Variants in CDH12 observed in about 807,000 individuals in gnomAD.
CDH12 encodes the protein cadherin-12.
Under a neutral mutation model 74.1 loss-of-function variants are expected in CDH12, and 41 were observed. The ratio of observed to expected loss-of-function variants is 0.55; its 90% CI spans 0.43 to 0.72. The LOEUF (loss-of-function observed/expected upper bound fraction) is 0.72, where lower values mean the gene tolerates loss of function less well. Among genes scored for constraint, CDH12 ranks in the 30% least tolerant of loss-of-function variants. CDH12 has a pLI of 0.00. For missense variants in CDH12, 945 were observed against 977.2 expected (o/e 0.97, Z 0.44); for synonymous variants, 399 against 355.0 (o/e 1.12, Z -1.39).
chr5:22,040,944 T>C (rs1230055826), intron 5 of CDH12, among the ~76,000 whole-genome samples: 1 of 152,120 alleles, frequency 6.6e-6, no homozygotes, highest in Non-Finnish European at 1.5e-5. Flanking sequence ...CATATATACA[T>C]ATATACATAC....
At position 22,109,331 on chromosome 5, in the gene CDH12, C is replaced by G. The variant is rs140494442; in HGVS notation, c.-186-30469G>C. Among the ~76,000 whole-genome samples the G allele has an allele frequency of 5.9e-3, 902 of 152,296 alleles. 9 individuals are homozygous for G. The highest frequency in any genetic ancestry group is 0.021 in the African/African-American group (870 of 41,550). The stretch of plus-strand genomic sequence containing the variant: ...CCCTCCAGAGCAAAAGTCAAGCATG[C>G]CTACTGCCCATTATAAATGATTCAG... On this transcript the variant is annotated intron_variant, in intron 4 of 14. Transcript: ENST00000382254.
chr5:22,090,290 T>C (rs1743332248), intron 4 of CDH12, among the ~76,000 whole-genome samples: 1 of 151,370 alleles, frequency 6.6e-6, no homozygotes, highest in South Asian at 2.1e-4. Flanking sequence ...ATTGATGAAA[T>C]GGACACATTT....
At chr5:22,240,138 A>T (rs965345036) in intron 3 of CDH12, among the ~76,000 whole-genome samples, 32 of 152,174 alleles carry the variant, frequency 2.1e-4, no homozygotes, top group Admixed American at 1.6e-3. Flanking sequence ...TTAGCTCCAG[A>T]GTTAGCAGTA....
chr5:22,515,936 A>G (rs1368377788), intron 1 of CDH12, among the ~76,000 whole-genome samples: 1 of 152,108 alleles, frequency 6.6e-6, no homozygotes. Flanking sequence ...AGGACAAATA[A>G]TTATTATCCT....
chr5:22,055,098 G>C (rs764659942), intron 5 of CDH12, among the ~76,000 whole-genome samples: 1 of 152,168 alleles, frequency 6.6e-6, no homozygotes, highest in African/African-American at 2.4e-5. Context: ...TGAGAAGAAA[G>C]CATCTTCCTT....
chr5:22,807,741 C>T (rs977596187), intron 1 of CDH12, among the ~76,000 whole-genome samples: 6 of 152,100 alleles, frequency 3.9e-5, no homozygotes, highest in African/African-American at 1.4e-4. Flanking sequence ...CATACCTAAA[C>T]ATAGAAAAGG....
At chr5:22,405,227 A>C (rs1257022324) in intron 3 of CDH12, 30 bp downstream of exon 3, 1 of 633,204 alleles carries the variant, frequency 1.6e-6, no homozygotes, top group East Asian at 1.4e-4. Context: ...TAAAAAATAA[A>C]GAAAAAATCA....
intron 1 of CDH12, among the ~76,000 whole-genome samples, chr5:22,547,395 C>T (rs1738381324): frequency 6.6e-6 from 1 of 152,094 alleles, no homozygotes; most frequent in Non-Finnish European, 1.5e-5. Flanking sequence ...AATGCTGAGA[C>T]TATAAATGCA....
At chr5:22,152,928 C>T (rs1412882644) in intron 4 of CDH12, among the ~76,000 whole-genome samples, 1 of 152,136 alleles carries the variant, frequency 6.6e-6, no homozygotes, top group Non-Finnish European at 1.5e-5. Flanking sequence ...CCATGTGCAA[C>T]CCCCTAGGTT....
intron 3 of CDH12, among the ~76,000 whole-genome samples, chr5:22,225,456 A>T (rs2150371445): frequency 1.3e-5 from 2 of 152,240 alleles, no homozygotes; most frequent in African/African-American, 4.8e-5. Flanking sequence ...AAATGACATT[A>T]AAAATCACAA....
rs1752258195 is a variant in CDH12, at chr5:21,880,616, C to CTTCTTTCTTTCTCTTTCT, written c.527-25827_527-25826insAGAAAGAGAAAGAAAGAA. ...CCTTCCTTCCTTCCTTCCTTCCTTC[C>CTTCTTTCTTTCTCTTTCT]TTCTTTCTTTCTTTCTTTCTTTCTT... is the stretch of plus-strand genomic sequence containing the variant. On this transcript the variant is annotated intron_variant, in intron 6 of 14. Transcript: ENST00000382254. Among the ~76,000 whole-genome samples the CTTCTTTCTTTCTCTTTCT allele has an allele frequency of 1.3e-3, 68 of 50,868 alleles. 2 individuals are homozygous for CTTCTTTCTTTCTCTTTCT. The highest frequency in any genetic ancestry group is 5.5e-3 in the African/African-American group (63 of 11,420). 33.4% of individuals were successfully genotyped at this position (50,868 alleles called of 152,430 possible). A position where few individuals can be genotyped will look rare whatever the true frequency, so the allele number is the denominator to read the frequency against.
chr5:21,935,290 T>C (rs1755027613), intron 6 of CDH12, among the ~76,000 whole-genome samples: 1 of 152,180 alleles, frequency 6.6e-6, no homozygotes, highest in Non-Finnish European at 1.5e-5. Flanking sequence ...AAAAATATAA[T>C]ACTAGTTATT....
intron 1 of CDH12, among the ~76,000 whole-genome samples, chr5:22,516,819 G>A (rs918687970): frequency 5.9e-5 from 9 of 151,546 alleles, no homozygotes; most frequent in African/African-American, 1.9e-4. Flanking sequence ...AAGTAAAATT[G>A]TGGCATATTA....
intron 6 of CDH12, among the ~76,000 whole-genome samples, chr5:21,934,238 C>A (rs774885550): frequency 2.0e-5 from 3 of 152,228 alleles, no homozygotes; most frequent in East Asian, 3.9e-4. Context: ...GTGATTGGAT[C>A]ATAGGGGCAG....
At chr5:22,283,239 T>C (rs1187421255) in intron 3 of CDH12, among the ~76,000 whole-genome samples, 16,224 of 106,528 alleles carry the variant, frequency 0.15, 1,229 homozygotes, top group East Asian at 0.3. Flanking sequence ...TATATATATA[T>C]ATATATATAT....
In CDH12 at chr5:22,528,200, G is replaced by A. The variant is rs79511023; in HGVS notation, c.-522-22836C>T. Among the ~76,000 whole-genome samples the A allele has an allele frequency of 5.3e-3, 814 of 152,272 alleles. 13 individuals carry two copies. Among genetic ancestry groups the A allele is most frequent in the African/African-American group, 0.019 (790 of 41,562 alleles). ...GTCTTACATGACAACTGCTTCGGGG[G>A]AAGCTATTATAGTTTCCTTAGCCAA... On this transcript the variant is annotated intron_variant, in intron 1 of 14. Coordinates refer to ENST00000382254, the MANE Select transcript of CDH12 (RefSeq NM_004061.5).
intron 1 of CDH12, among the ~76,000 whole-genome samples, chr5:22,786,003 A>C (rs1747604349): frequency 6.6e-6 from 1 of 152,180 alleles, no homozygotes; most frequent in Non-Finnish European, 1.5e-5. Context: ...TATCACAAAG[A>C]AACATACACA....
At chr5:21,978,306 C>A (rs1233330845) in intron 5 of CDH12, among the ~76,000 whole-genome samples, 1 of 152,048 alleles carries the variant, frequency 6.6e-6, no homozygotes, top group Admixed American at 6.6e-5. Context: ...CCATGCCAGG[C>A]TAATTTTTGT....
chr5:22,244,938 G>T (rs896947972), intron 3 of CDH12, among the ~76,000 whole-genome samples: 2 of 152,022 alleles, frequency 1.3e-5, no homozygotes, highest in Admixed American at 1.3e-4. Flanking sequence ...GACAAACTAC[G>T]CAGGTATCTA....
Sources: gnomAD v4.1 joint callset for allele counts (sites outside exome capture counted in the v4.1 genomes callset) on GRCh38, gnomAD v4.1.1 for gene constraint, MANE v1.5 for transcripts, NCBI Gene and HGNC (gene_info 2026-07-23, HGNC 2026-07-21) for gene names.